ZNF407: variants seen among roughly 807,000 people sequenced by gnomAD.
ZNF407 encodes the protein zinc finger protein 407.
In ZNF407, 17 loss-of-function variants were observed where a neutral mutation model predicts 131.2. The ratio of observed to expected loss-of-function variants is 0.13; its 90% confidence interval spans 0.09 to 0.19. The LOEUF (loss-of-function observed/expected upper bound fraction) is 0.19, where lower values mean the gene tolerates loss of function less well. ZNF407 is among the 10% of genes least tolerant of loss of function. The pLI is 1.00. For synonymous variants in ZNF407, 1,156 were observed against 1,062.0 expected (o/e 1.09, Z -1.72); for missense variants, 2,681 against 2,830.6 (o/e 0.95, Z 1.20).
chr18:74,993,589 A>T (rs1281471399), intron 8 of ZNF407, among the ~76,000 whole-genome samples: 1 of 152,236 alleles, frequency 6.6e-6, no homozygotes, highest in Non-Finnish European at 1.5e-5. Context: ...TCATTGAGCT[A>T]TACACTTAGA....
chr18:74,727,080 A>C (rs534656157), intron 3 of ZNF407, among the ~76,000 whole-genome samples: 2 of 152,224 alleles, frequency 1.3e-5, no homozygotes, highest in Non-Finnish European at 2.9e-5. Flanking sequence ...TTGGGTTTCT[A>C]TTATGTGCCA....
rs187837322 is a variant in ZNF407, at chr18:74,646,414, A to G, written c.4802+5292A>G. ...AAGTGCAACATCTCTCAGTTTTGTA[A>G]AAAATATTTAGATTAACATTAAAAT... is the stretch of plus-strand genomic sequence containing the variant. On this transcript the variant is annotated intron_variant, in intron 3 of 8. Transcript: ENST00000299687. Among the ~76,000 whole-genome samples the G allele has an allele frequency of 5.7e-3, 870 of 152,290 alleles. 5 individuals are homozygous for G. The highest frequency in any genetic ancestry group is 0.01 in the Middle Eastern group (3 of 294).
rs948466666 is a variant in ZNF407 at position 74,797,203 on chromosome 18, C to T, written c.4877+15701C>T. Among the ~76,000 whole-genome samples, 5 of 152,170 alleles carry T rather than the reference C, an allele frequency of 3.3e-5. 1 individual carries two copies. Among genetic ancestry groups the T allele is most frequent in the African/African-American group, 1.2e-4 (5 of 41,446 alleles). On this transcript the variant is annotated intron_variant, in intron 4 of 8. Transcript: ENST00000299687. ...AAAAGAAATGAAGGCTGAATAGATT[C>T]AGTCTGCGTGGCCTTCAAGGGGCTC...
intron 3 of ZNF407, among the ~76,000 whole-genome samples, chr18:74,695,297 G>A: frequency 6.6e-6 from 1 of 152,082 alleles, no homozygotes; most frequent in East Asian, 1.9e-4. Context: ...GGACTTTGAG[G>A]GAAGGTCTCA....
intron 3 of ZNF407, among the ~76,000 whole-genome samples, chr18:74,662,830 G>T (rs1985771489): frequency 6.6e-6 from 1 of 152,214 alleles, no homozygotes; most frequent in Non-Finnish European, 1.5e-5. Context: ...CACTCTGTCA[G>T]TCAATAGAGA....
intron 3 of ZNF407, among the ~76,000 whole-genome samples, chr18:74,649,980 A>G (rs1177377235): frequency 6.6e-6 from 1 of 152,208 alleles, no homozygotes; most frequent in Non-Finnish European, 1.5e-5. Flanking sequence ...ATCAAAGGAT[A>G]GAATTAACTA....
intron 3 of ZNF407, among the ~76,000 whole-genome samples, chr18:74,753,838 C>T (rs1361154546): frequency 1.3e-5 from 2 of 152,082 alleles, no homozygotes; most frequent in African/African-American, 4.8e-5. Flanking sequence ...GTGTCTCTGC[C>T]AGGCTTTGAT....
intron 3 of ZNF407, among the ~76,000 whole-genome samples, chr18:74,663,099 C>G (rs1264538130): frequency 6.6e-6 from 1 of 152,122 alleles, no homozygotes; most frequent in African/African-American, 2.4e-5. Flanking sequence ...GGAAAGCAAC[C>G]ATTGTAACCT....
chr18:74,842,977 A>C (rs544771957), intron 4 of ZNF407, among the ~76,000 whole-genome samples: 2 of 152,190 alleles, frequency 1.3e-5, no homozygotes, highest in Non-Finnish European at 2.9e-5. Flanking sequence ...TTGGCCTCCA[A>C]AGTGCTGGAA....
intron 8 of ZNF407, among the ~76,000 whole-genome samples, chr18:75,057,111 C>T (rs1332969156): frequency 1.3e-5 from 2 of 152,178 alleles, no homozygotes; most frequent in African/African-American, 2.4e-5. Context: ...ACCATCCCAG[C>T]ATTCTCAAGC....
At chr18:74,734,670 T>TG (rs2144903745) in intron 3 of ZNF407, among the ~76,000 whole-genome samples, 1 of 139,930 alleles carries the variant, frequency 7.1e-6, no homozygotes, top group African/African-American at 2.9e-5. Context: ...TGAGTTTCAA[T>TG]TTGTGTGTGT....
chr18:74,989,821 C>T (rs1015418649), intron 8 of ZNF407, among the ~76,000 whole-genome samples: 10 of 147,502 alleles, frequency 6.8e-5, no homozygotes, highest in South Asian at 2.2e-4. Flanking sequence ...CCAGCCTGGG[C>T]GACAGAGCGA....
intron 3 of ZNF407, among the ~76,000 whole-genome samples, chr18:74,726,330 C>G (rs1403598762): frequency 6.6e-6 from 1 of 152,142 alleles, no homozygotes; most frequent in East Asian, 1.9e-4. Context: ...GTTAATCCCT[C>G]ACATATATTT....
At chr18:74,955,022 G>C (rs1568281984) in intron 8 of ZNF407, among the ~76,000 whole-genome samples, 1 of 152,216 alleles carries the variant, frequency 6.6e-6, no homozygotes, top group African/African-American at 2.4e-5. Flanking sequence ...AGTGATGCTG[G>C]AGGAGTGATA....
intron 3 of ZNF407, among the ~76,000 whole-genome samples, chr18:74,728,182 A>G (rs773788842): frequency 6.6e-6 from 1 of 152,228 alleles, no homozygotes; most frequent in African/African-American, 2.4e-5. Flanking sequence ...GAAAGAGAAT[A>G]TGACCTTGAG....
chr18:74,678,431 C>A (rs570385), intron 3 of ZNF407, among the ~76,000 whole-genome samples: 3,283 of 152,232 alleles, frequency 0.022, 127 homozygotes, highest in African/African-American at 0.075. Flanking sequence ...CCACATTGGC[C>A]TGCCTGCAAC....
At chr18:75,039,080 CAAA>C (rs1294204335) in intron 8 of ZNF407, among the ~76,000 whole-genome samples, 1 of 152,176 alleles carries the variant, frequency 6.6e-6, no homozygotes, top group Non-Finnish European at 1.5e-5. Context: ...TTCCTAATAA[CAAA>C]AGAAGAAGCA....
intron 8 of ZNF407, among the ~76,000 whole-genome samples, chr18:75,010,424 TC>T (rs571550607): frequency 4.8e-4 from 73 of 152,188 alleles, no homozygotes; most frequent in African/African-American, 1.7e-3. Context: ...ACAACTAAAT[TC>T]CCAAAAACAG....
At chr18:74,718,213 C>T (rs7233356) in intron 3 of ZNF407, among the ~76,000 whole-genome samples, 5 of 151,592 alleles carry the variant, frequency 3.3e-5, no homozygotes, top group Non-Finnish European at 5.9e-5. Context: ...CAGCCCCCCC[C>T]CTCCCCTTCC....
Sources: allele counts gnomAD v4.1 joint callset (sites outside exome capture counted in the v4.1 genomes callset), GRCh38; gene constraint gnomAD v4.1.1; transcripts MANE v1.5; gene names NCBI Gene and HGNC (gene_info 2026-07-23, HGNC 2026-07-21).